CACNA1C: variants seen among roughly 807,000 people sequenced by gnomAD.
CACNA1C encodes calcium voltage-gated channel subunit alpha1 C, also known as voltage-dependent L-type calcium channel subunit alpha-1C.
A neutral mutation model predicts 229.0 loss-of-function variants in CACNA1C; 30 were observed. The ratio of observed to expected loss-of-function variants is 0.13; its 90% CI spans 0.10 to 0.18. The LOEUF (loss-of-function observed/expected upper bound fraction) is 0.18, where lower values mean the gene tolerates loss of function less well. CACNA1C is among the 10% of genes least tolerant of loss of function. The pLI is 1.00. For synonymous variants in CACNA1C, 1,114 were observed against 1,132.5 expected, an observed-to-expected ratio of 0.98 and a Z score of 0.33; for missense variants, 1,658 against 2,845.0, an observed-to-expected ratio of 0.58 and a Z score of 9.49.
Position 2,162,779 on chromosome 12 carries a change from A to G in CACNA1C, c.477+42349A>G, listed in dbSNP as rs147632479. 5.3e-3 allele frequency among the ~76,000 whole-genome samples: 802 copies of G among 152,254 alleles called. 10 individuals carry two copies. Among genetic ancestry groups the G allele is most frequent in the African/African-American group, 0.018 (758 of 41,540 alleles). Reference sequence around the variant, plus strand: ...TCAGTAGTGGCTTTGCCGTTTCCAGATTGACATCCATGCCCTAAACAGAGA... The same window carrying G: ...TCAGTAGTGGCTTTGCCGTTTCCAGGTTGACATCCATGCCCTAAACAGAGA... On this transcript the variant is annotated intron_variant, in intron 3 of 46. Transcript: ENST00000399655.
At position 2,689,557 on chromosome 12, in the gene CACNA1C, G is replaced by A. The variant is rs2097703149; in HGVS notation, c.6117+778G>A. The stretch of plus-strand genomic sequence containing the variant: ...CCAAATGAGCTCTTCCAAGATGAGA[G>A]GGGCTTGCCTGAAAGGTAGTGAGCC... On this transcript the variant is annotated intron_variant, in intron 46 of 46. Coordinates refer to ENST00000399655, the MANE Select transcript of CACNA1C (RefSeq NM_000719.7). The surrounding 1 kb of genome is among the most constrained non-coding windows in gnomAD (Gnocchi z 4.2). Among the ~76,000 whole-genome samples the A allele has an allele frequency of 6.6e-6, 1 of 152,052 alleles. No homozygotes were observed. Among genetic ancestry groups the A allele is most frequent in the Non-Finnish European group, 1.5e-5 (1 of 68,022 alleles).
chr12:2,579,739 C>A (rs776324420), intron 13 of CACNA1C, among the ~76,000 whole-genome samples: 79 of 152,222 alleles, frequency 5.2e-4, no homozygotes, highest in Middle Eastern at 6.8e-3. Context: ...CACCACCACA[C>A]CCAGCTAATT....
At position 2,670,555 on chromosome 12, in the gene CACNA1C, T is replaced by G. The variant is rs2096505616; in HGVS notation, c.4726+1520T>G. 3.9e-5 allele frequency among the ~76,000 whole-genome samples: 6 copies of G among 152,218 alleles called. No individual in the cohort carries two copies. The South Asian group carries it at 1.3e-3, about 32-fold the overall frequency. ...CAAGACACAAGTCAAAATAATTAGC[T>G]GATTTTTAAAAAATAAAAATAGGGG... On this transcript the variant is annotated intron_variant, in intron 38 of 46. Transcript: ENST00000399655.
chr12:2,688,841 G>A (rs545204416), intron 46 of CACNA1C, 62 bp downstream of exon 46: 33 of 1,327,096 alleles, frequency 2.5e-5, no homozygotes, highest in East Asian at 2.3e-4. Context: ...CTTGGCATGC[G>A]GGGCTGAGAA....
chr12:2,686,111 C>T lies in CACNA1C; in HGVS notation c.5681-55C>T. ...CACCCCACCAGGGTGTAAACTGTCA[C>T]AGGCCAGTGCCCTGTTTTCCTGCCC... is the stretch of plus-strand genomic sequence containing the variant. On this transcript the variant is annotated intron_variant, in intron 44 of 46. Transcript: ENST00000399655. 8 of 1,392,998 alleles carry T rather than the reference C, an allele frequency of 5.7e-6. No individual in the cohort carries two copies. The South Asian group carries it at 6.9e-5, about 12-fold the overall frequency. The allele number at this position is 1,392,998 out of a possible 1,614,324, so 86.3% of individuals were successfully genotyped here. A position where few individuals can be genotyped will look rare whatever the true frequency, so the allele number is the denominator to read the frequency against.
At chr12:2,129,771 A>G (rs1443921020) in intron 3 of CACNA1C, among the ~76,000 whole-genome samples, 3 of 152,256 alleles carry the variant, frequency 2.0e-5, no homozygotes, top group Admixed American at 2.0e-4. Context: ...GACCTGGGGA[A>G]GATTTGGGAT....
At chr12:2,119,285 A>C (rs1189152794) in intron 2 of CACNA1C, among the ~76,000 whole-genome samples, 3 of 151,922 alleles carry the variant, frequency 2.0e-5, no homozygotes, top group Non-Finnish European at 4.4e-5. Flanking sequence ...CCGGATCTCC[A>C]CCCCTCTCTG....
chr12:2,682,745 G>A (rs1341992589), intron 43 of CACNA1C, 67 bp downstream of exon 43: 1 of 1,528,924 alleles, frequency 6.5e-7, no homozygotes, highest in Non-Finnish European at 8.8e-7. Context: ...GGCAGAGGCA[G>A]GTCCCTGAGA....
At chr12:2,673,915 G>A (rs1031780919) in intron 38 of CACNA1C, among the ~76,000 whole-genome samples, 1 of 152,212 alleles carries the variant, frequency 6.6e-6, no homozygotes, top group African/African-American at 2.4e-5. Flanking sequence ...GTACCCTGAT[G>A]AGGAGCATCT....
At chr12:2,148,579 A>G (rs1035353212) in intron 3 of CACNA1C, among the ~76,000 whole-genome samples, 1 of 150,878 alleles carries the variant, frequency 6.6e-6, no homozygotes, top group African/African-American at 2.4e-5. Context: ...ACAGGGTCTC[A>G]CTCTGTCTCC....
chr12:1,988,288 G>C (rs1055160741), intron 1 of CACNA1C, among the ~76,000 whole-genome samples: 3 of 152,176 alleles, frequency 2.0e-5, no homozygotes, highest in Non-Finnish European at 4.4e-5. Flanking sequence ...CCTCTGCCTG[G>C]AATATTGCTG....
chr12:1,972,850 GAA>G (rs1491546367), intron 1 of CACNA1C, among the ~76,000 whole-genome samples: 4 of 152,074 alleles, frequency 2.6e-5, no homozygotes, highest in Non-Finnish European at 5.9e-5. Context: ...GGGAGAGGGA[GAA>G]AAAGAGAGAA....
chr12:2,138,464 C>T (rs1283227687), intron 3 of CACNA1C, among the ~76,000 whole-genome samples: 1 of 151,062 alleles, frequency 6.6e-6, no homozygotes, highest in Non-Finnish European at 1.5e-5. Context: ...TGAACCCTGG[C>T]AGTTGGGCAC....
chr12:2,575,666 C>CA lies in CACNA1C; in HGVS notation c.1896-5923dup, dbSNP rs1026496980. Among the ~76,000 whole-genome samples the CA allele has an allele frequency of 2.6e-5, 4 of 152,214 alleles. No individual in the cohort carries two copies. Among genetic ancestry groups the CA allele is most frequent in the African/African-American group, 9.6e-5 (4 of 41,514 alleles). On this transcript the variant is annotated intron_variant, in intron 13 of 46. Transcript: ENST00000399655. This position sits in a 1 kb window ranked among gnomAD's most constrained non-coding sequence, Gnocchi z 4.0. ...TTTTTTTTAGCCTTCAGGATGAGAACATTTTGGGCAGGTATCAAACTCAGT... is the reference window on the plus strand; with the variant it reads ...TTTTTTTTAGCCTTCAGGATGAGAACAATTTTGGGCAGGTATCAAACTCAGT...
intron 3 of CACNA1C, among the ~76,000 whole-genome samples, chr12:2,203,399 T>TAAGGTTAAGGATCCTTG (rs2097657035): frequency 6.6e-6 from 1 of 152,166 alleles, no homozygotes; most frequent in South Asian, 2.1e-4. Flanking sequence ...AGACCTTGGT[T>TAAGGTTAAGGATCCTTG]AAGGTTAAGG....
intron 4 of CACNA1C, among the ~76,000 whole-genome samples, chr12:2,457,065 C>T (rs1213874468): frequency 6.6e-6 from 1 of 152,202 alleles, no homozygotes; most frequent in Non-Finnish European, 1.5e-5. Flanking sequence ...ATTTGCGCAG[C>T]ACGCACCTCC....
chr12:2,469,645 A>C (rs2154567487), intron 5 of CACNA1C, among the ~76,000 whole-genome samples: 1 of 152,354 alleles, frequency 6.6e-6, no homozygotes, highest in Admixed American at 6.5e-5. Flanking sequence ...CGCTGAACTC[A>C]GAAAAAGCCT....
At chr12:2,414,294 T>C (rs2098841229) in intron 3 of CACNA1C, among the ~76,000 whole-genome samples, 2 of 152,216 alleles carry the variant, frequency 1.3e-5, no homozygotes, top group South Asian at 4.1e-4. Flanking sequence ...AATATTTCTT[T>C]TAAAAGGACT....
intron 1 of CACNA1C, chr12:2,004,596 G>T (rs2043024414): frequency 7.9e-6 from 8 of 1,016,100 alleles, no homozygotes; most frequent in South Asian, 1.7e-5. Flanking sequence ...CAGACGCAAG[G>T]CCTCACTAAT....
Sources: gnomAD v4.1 joint callset for allele counts (sites outside exome capture counted in the v4.1 genomes callset) on GRCh38, gnomAD v4.1.1 for gene constraint, Gnocchi (gnomAD v3.1) non-coding constraint, MANE v1.5 for transcripts, NCBI Gene and HGNC (gene_info 2026-07-23, HGNC 2026-07-21) for gene names.